Variants in AIDA observed in about 807,000 individuals in gnomAD.
The protein encoded by AIDA is axin interactor, dorsalization-associated protein.
AIDA carries 18 observed loss-of-function variants against 42.7 expected under a neutral mutation model. That is an observed-to-expected ratio of 0.42 (90% confidence interval 0.29 to 0.63). AIDA has a LOEUF of 0.63. AIDA is among the 20% of genes least tolerant of loss of function. AIDA has a pLI of 0.19. For synonymous variants in AIDA, 104 were observed against 122.9 expected, an observed-to-expected ratio of 0.85 and a Z score of 1.02; for missense variants, 250 against 354.1, an observed-to-expected ratio of 0.71 and a Z score of 2.36.
In AIDA at chr1:222,706,615, T is replaced by C. The variant is rs547164720; in HGVS notation, c.111-3398A>G. Among the ~76,000 whole-genome samples, 5 of 152,208 alleles carry C rather than the reference T, an allele frequency of 3.3e-5. No individual in the cohort carries two copies. In the East Asian group the frequency reaches 9.6e-4, roughly 29 times the overall value. The stretch of plus-strand genomic sequence containing the variant: ...GGCATGTGGTGGCTCATGCCTGTAA[T>C]CCCAGCACATTGGGAGGCCGAGGCA... On this transcript the variant is annotated intron_variant, in intron 1 of 9. Coordinates refer to ENST00000340020, the MANE Select transcript of AIDA (RefSeq NM_022831.4).
At chr1:222,695,621 A>C (rs1248969076) in intron 2 of AIDA, among the ~76,000 whole-genome samples, 1 of 152,190 alleles carries the variant, frequency 6.6e-6, no homozygotes, top group Non-Finnish European at 1.5e-5. Flanking sequence ...AAATATGAAT[A>C]ACTAGGGTAG....
rs1194722870 is a variant in AIDA, at chr1:222,668,498, G to A, written c.*1395C>T. 1 of 54,246 alleles carries A rather than the reference G, an allele frequency of 1.8e-5. No homozygotes were observed. Among genetic ancestry groups the A allele is most frequent in the African/African-American group, 7.4e-5 (1 of 13,538 alleles). 3.4% of individuals were successfully genotyped at this position (54,246 alleles called of 1,614,324 possible). On this transcript the variant is annotated 3_prime_UTR_variant, in exon 10 of 10. Transcript: ENST00000340020. ...CTGAGAATTCATTCAGGCTCGCATAGTTTTTATTAACATCCGTCTAGTAAA... is the reference window on the plus strand; with the variant it reads ...CTGAGAATTCATTCAGGCTCGCATAATTTTTATTAACATCCGTCTAGTAAA...
chr1:222,673,167 A>C, intron 8 of AIDA, 146 bp downstream of exon 8: 1 of 677,768 alleles, frequency 1.5e-6, no homozygotes. Context: ...ACATTTTAAA[A>C]ATATGTATAT....
At chr1:222,700,670 G>A (rs561956351) in intron 2 of AIDA, among the ~76,000 whole-genome samples, 1 of 151,840 alleles carries the variant, frequency 6.6e-6, no homozygotes, top group Admixed American at 6.5e-5. Flanking sequence ...CAGGAGAATG[G>A]CGTGAACCCG....
intron 4 of AIDA, among the ~76,000 whole-genome samples, chr1:222,689,483 A>ATATG: frequency 3.5e-5 from 1 of 28,862 alleles, no homozygotes; most frequent in South Asian, 2.3e-3. Flanking sequence ...GTGTGTGTGT[A>ATATG]TATATATATA....
chr1:222,709,577 T>C (rs1370871272), intron 1 of AIDA, among the ~76,000 whole-genome samples: 1 of 152,078 alleles, frequency 6.6e-6, no homozygotes, highest in African/African-American at 2.4e-5. Context: ...GACTTTGCAA[T>C]TTTAAACAGG....
At chr1:222,711,057 T>A (rs914144910) in intron 1 of AIDA, among the ~76,000 whole-genome samples, 1 of 148,754 alleles carries the variant, frequency 6.7e-6, no homozygotes, top group Non-Finnish European at 1.5e-5. Flanking sequence ...ACCAAGCGTA[T>A]ATTCTTGCCA....
intron 2 of AIDA, among the ~76,000 whole-genome samples, chr1:222,698,770 C>T (rs1655594499): frequency 6.6e-6 from 1 of 151,174 alleles, no homozygotes; most frequent in Admixed American, 6.6e-5. Flanking sequence ...TTTTTAAGGG[C>T]TCACTGTGCA....
At chr1:222,697,158 G>T (rs1655544523) in intron 2 of AIDA, among the ~76,000 whole-genome samples, 1 of 151,648 alleles carries the variant, frequency 6.6e-6, no homozygotes, top group South Asian at 2.1e-4. Flanking sequence ...GGCCAGGCTG[G>T]TCTCGAACTC....
chr1:222,695,943 C>T (rs1655507971), intron 2 of AIDA, among the ~76,000 whole-genome samples: 1 of 152,142 alleles, frequency 6.6e-6, no homozygotes, highest in African/African-American at 2.4e-5. Flanking sequence ...AAGTGCCATC[C>T]TGGCCCCTAG....
Position 222,676,138 on chromosome 1 carries a change from C to T in AIDA, c.541G>A (p.Ala181Thr). The T allele has an allele frequency of 6.2e-7, 1 of 1,612,994 alleles. No individual in the cohort carries two copies. Among genetic ancestry groups the T allele is most frequent in the Non-Finnish European group, 8.5e-7 (1 of 1,179,594 alleles). ...ATATAGGGATCGATGCACTGCCCAG[C>T]ATCTTTCAAACCAATTTTCTCAATT... is the stretch of plus-strand genomic sequence containing the variant. ...IRIEKIGLKD[A>T]GQCIDPYITV... Residue 181 changes from alanine (A) to threonine (T), a missense_variant, in exon 7 of 10, where the codon GCT becomes ACT. Ala to Thr is a moderately conservative substitution (Grantham distance 58). Around this residue, in one of 4 missense-constraint regions of AIDA, gnomAD observed 199 missense variants for 232.6 expected, o/e 0.86. Transcript: ENST00000340020.
intron 4 of AIDA, among the ~76,000 whole-genome samples, chr1:222,689,106 T>G (rs1381927530): frequency 6.6e-6 from 1 of 151,646 alleles, no homozygotes; most frequent in Admixed American, 6.6e-5. Context: ...AAACAAAAAT[T>G]AAAATAGAAA....
At chr1:222,708,557 A>G (rs1244054619) in intron 1 of AIDA, among the ~76,000 whole-genome samples, 5 of 151,652 alleles carry the variant, frequency 3.3e-5, no homozygotes, top group African/African-American at 4.8e-5. Flanking sequence ...TTTAGTAGAG[A>G]GGGGGTTTCG....
chr1:222,674,658 C>T (rs1009774910), intron 7 of AIDA, among the ~76,000 whole-genome samples: 1 of 152,128 alleles, frequency 6.6e-6, no homozygotes, highest in Non-Finnish European at 1.5e-5. Flanking sequence ...CTGTTTTATA[C>T]CAACTAGAAA....
intron 2 of AIDA, among the ~76,000 whole-genome samples, chr1:222,696,622 G>A (rs1655527412): frequency 6.6e-6 from 1 of 152,144 alleles, no homozygotes; most frequent in Admixed American, 6.5e-5. Context: ...GTGGTATGGT[G>A]GCAGACCAGC....
At chr1:222,705,352 G>A (rs536567366) in intron 1 of AIDA, among the ~76,000 whole-genome samples, 2 of 152,224 alleles carry the variant, frequency 1.3e-5, no homozygotes, top group Admixed American at 6.5e-5. Context: ...CCACCTACAT[G>A]GAGTACTCCC....
At chr1:222,687,750 T>C in intron 4 of AIDA, 92 bp from the exon 5 acceptor site, 1 of 970,758 alleles carries the variant, frequency 1.0e-6, no homozygotes, top group Admixed American at 3.0e-5. Flanking sequence ...AATTTTATTG[T>C]GCATATTAAT....
Position 222,676,090 on chromosome 1 carries a change from A to G in AIDA, c.583+6T>C. ...TGAGAAAAAAAAAGTAAACAGAGTCACTTACCCTTTACACTAACTGTAATA... is the reference window on the plus strand; with the variant it reads ...TGAGAAAAAAAAAGTAAACAGAGTCGCTTACCCTTTACACTAACTGTAATA... On this transcript the variant is annotated splice_donor_region_variant and intron_variant, in intron 7 of 9. Coordinates refer to ENST00000340020, the MANE Select transcript of AIDA (RefSeq NM_022831.4). The G allele has an allele frequency of 6.4e-7, 1 of 1,561,992 alleles. No individual in the cohort carries two copies. The highest frequency in any genetic ancestry group is 1.2e-5 in the South Asian group (1 of 82,022).
At chr1:222,702,897 TAAAGTTAAGC>T (rs1391334559) in intron 2 of AIDA, among the ~76,000 whole-genome samples, 5 of 152,252 alleles carry the variant, frequency 3.3e-5, no homozygotes, top group Non-Finnish European at 5.9e-5. Context: ...TGGTCTCCAC[TAAAGTTAAGC>T]AAAGTTAAGC....
Sources: gnomAD v4.1 joint callset for allele counts (sites outside exome capture counted in the v4.1 genomes callset) on GRCh38, gnomAD v4.1.1 for gene constraint, gnomAD v4.1.1 regional missense constraint, MANE v1.5 for transcripts, NCBI Gene and HGNC (gene_info 2026-07-23, HGNC 2026-07-21) for gene names.